Variants in XKR9 observed in about 807,000 individuals in gnomAD.
XKR9 encodes XK related 9.
In XKR9, 32 loss-of-function variants were observed where a neutral mutation model predicts 32.0. The observed-to-expected ratio is 1.00, with a 90% CI of 0.76 to 1.34. The LOEUF (loss-of-function observed/expected upper bound fraction) is 1.34, where lower values mean the gene tolerates loss of function less well. Ranked by LOEUF, XKR9 falls within the 40% of genes most tolerant of loss-of-function variation. The pLI is 0.00. For synonymous variants in XKR9, 168 were observed against 143.4 expected, an observed-to-expected ratio of 1.17 and a Z score of -1.22; for missense variants, 546 against 429.7, an observed-to-expected ratio of 1.27 and a Z score of -2.39.
chr8:70,707,212 T>A lies in XKR9; in HGVS notation c.493+59T>A, dbSNP rs952177413. ...TGCCACTGAGACCTTACGTCAACTA[T>A]ATAAATCTTTGGCTGACTTTAGAAA... On this transcript the variant is annotated intron_variant, in intron 4 of 4. Coordinates refer to ENST00000408926, the MANE Select transcript of XKR9 (RefSeq NM_001011720.2). 4.5e-6 allele frequency: 6 copies of A among 1,345,298 alleles called. No individual in the cohort carries two copies. The African/African-American group carries it at 8.8e-5, about 20-fold the overall frequency. The allele number at this position is 1,345,298 out of a possible 1,614,324, so 83.3% of individuals were successfully genotyped here. A position where few individuals can be genotyped will look rare whatever the true frequency, so the allele number is the denominator to read the frequency against.
the XKR9 span, among the ~76,000 whole-genome samples, chr8:70,807,960 ATTC>A: frequency 1.3e-5 from 2 of 152,220 alleles, no homozygotes; most frequent in Non-Finnish European, 2.9e-5. Context: ...CAGACTATAT[ATTC>A]TTCTCAGTGC....
chr8:70,776,954 T>TATATATATATATATATATATACAC (rs1286110884), intron 2 of XKR9, among the ~76,000 whole-genome samples: 2 of 89,274 alleles, frequency 2.2e-5, no homozygotes, highest in Admixed American at 1.1e-4. Context: ...TCTCTATATA[T>TATATATATATATATATATATACAC]ATATATATAT....
the XKR9 span, among the ~76,000 whole-genome samples, chr8:71,051,367 A>G: frequency 6.6e-6 from 1 of 152,184 alleles, no homozygotes; most frequent in African/African-American, 2.4e-5. Context: ...TTTTTCAATT[A>G]AAAACTCATC....
At chr8:71,056,447 C>T in the XKR9 span, among the ~76,000 whole-genome samples, 1 of 152,068 alleles carries the variant, frequency 6.6e-6, no homozygotes, top group African/African-American at 2.4e-5. Flanking sequence ...CCAAATTACT[C>T]AAGTATTTAT....
At chr8:70,905,244 A>G in the XKR9 span, among the ~76,000 whole-genome samples, 1 of 152,052 alleles carries the variant, frequency 6.6e-6, no homozygotes, top group African/African-American at 2.4e-5. Flanking sequence ...CTCTCTGTCA[A>G]TTTCAGGTAC....
At chr8:70,838,855 A>G in the XKR9 span, among the ~76,000 whole-genome samples, 2 of 152,092 alleles carry the variant, frequency 1.3e-5, no homozygotes, top group South Asian at 2.1e-4. Flanking sequence ...AAACTAGTTA[A>G]GAGTTTGCTC....
At chr8:71,015,272 G>A in the XKR9 span, among the ~76,000 whole-genome samples, 1 of 152,104 alleles carries the variant, frequency 6.6e-6, no homozygotes, top group Non-Finnish European at 1.5e-5. Flanking sequence ...GTCTGTTTTT[G>A]TTGTTACCTA....
the XKR9 span, among the ~76,000 whole-genome samples, chr8:71,054,628 C>G: frequency 1.3e-5 from 2 of 152,142 alleles, no homozygotes; most frequent in African/African-American, 4.8e-5. Flanking sequence ...GCCATTATAG[C>G]TGCTGCTGCT....
intron 2 of XKR9, among the ~76,000 whole-genome samples, chr8:70,742,835 C>A (rs1807007310): frequency 1.3e-5 from 2 of 151,940 alleles, no homozygotes; most frequent in African/African-American, 4.8e-5. Context: ...AGATTTTTAC[C>A]TTTAGCTGTT....
chr8:70,865,594 G>C, the XKR9 span, among the ~76,000 whole-genome samples: 12 of 152,222 alleles, frequency 7.9e-5, no homozygotes, highest in African/African-American at 2.9e-4. Flanking sequence ...GTGATTCTCT[G>C]TAGATTTTCT....
chr8:70,936,026 G>T, the XKR9 span, among the ~76,000 whole-genome samples: 2 of 151,882 alleles, frequency 1.3e-5, no homozygotes, highest in African/African-American at 4.8e-5. Flanking sequence ...TTTAGAATAA[G>T]TTATGGGGTC....
chr8:70,754,098 A>G lies in XKR9; in HGVS notation n.353-35241A>G, dbSNP rs900231278. The stretch of plus-strand genomic sequence containing the variant: ...GATACAAAATCAATGTACAAAACTC[A>G]CAAGCATTCTTATACACCAATAACA... On this transcript the variant is annotated intron_variant and non_coding_transcript_variant, in intron 2 of 3. Coordinates refer to the XKR9 transcript ENST00000520273. 2.7e-4 allele frequency among the ~76,000 whole-genome samples: 40 copies of G among 145,950 alleles called. 2 individuals carry two copies. Among genetic ancestry groups the G allele is most frequent in the African/African-American group, 9.6e-4 (39 of 40,682 alleles).
the XKR9 span, among the ~76,000 whole-genome samples, chr8:70,838,101 G>A: frequency 3.3e-5 from 5 of 152,026 alleles, no homozygotes; most frequent in African/African-American, 1.2e-4. Flanking sequence ...AAGACCAGCT[G>A]ATCTAGGGTC....
chr8:70,881,615 A>G, the XKR9 span, among the ~76,000 whole-genome samples: 1 of 152,190 alleles, frequency 6.6e-6, no homozygotes, highest in East Asian at 1.9e-4. Flanking sequence ...TCAGGAAACA[A>G]CTGATGCTGG....
chr8:70,902,371 C>T, the XKR9 span, among the ~76,000 whole-genome samples: 3 of 152,116 alleles, frequency 2.0e-5, no homozygotes, highest in Non-Finnish European at 4.4e-5. Flanking sequence ...TCCTTCACAT[C>T]CCTTGTAAGT....
the XKR9 span, among the ~76,000 whole-genome samples, chr8:70,906,632 T>A: frequency 6.6e-6 from 1 of 152,336 alleles, no homozygotes; most frequent in Admixed American, 6.5e-5. Flanking sequence ...CTTATCTACA[T>A]AAATTATGTG....
intron 3 of XKR9, among the ~76,000 whole-genome samples, chr8:70,704,234 T>G (rs1805641866): frequency 1.3e-5 from 2 of 151,936 alleles, no homozygotes. Context: ...AATAAATAAG[T>G]GAAACTGTGT....
the XKR9 span, among the ~76,000 whole-genome samples, chr8:71,005,045 A>G: frequency 1.5e-5 from 1 of 66,718 alleles, no homozygotes; most frequent in Non-Finnish European, 2.9e-5. Context: ...GAGTCTTGCT[A>G]TGTTGCCCAG....
intron 3 of XKR9, among the ~76,000 whole-genome samples, chr8:70,705,635 T>C (rs1379573158): frequency 6.6e-6 from 1 of 152,050 alleles, no homozygotes; most frequent in African/African-American, 2.4e-5. Context: ...GGTGGTAGCA[T>C]GTGTGGGAAG....
Sources: gnomAD v4.1 joint callset for allele counts (sites outside exome capture counted in the v4.1 genomes callset) on GRCh38, gnomAD v4.1.1 for gene constraint, MANE v1.5 for transcripts, NCBI Gene and HGNC (gene_info 2026-07-23, HGNC 2026-07-21) for gene names.